CDKAL1: variants seen among roughly 807,000 people sequenced by gnomAD.
The protein encoded by CDKAL1 is CDKAL1 threonylcarbamoyladenosine tRNA methylthiotransferase.
In CDKAL1, 32 loss-of-function variants were observed where a neutral mutation model predicts 68.2. The observed-to-expected ratio is 0.47, with a 90% CI of 0.35 to 0.63. The LOEUF is 0.63. Ranked by LOEUF, CDKAL1 falls within the 30% of genes least tolerant of loss-of-function variation. The probability of loss-of-function intolerance (pLI) is 0.00; values close to 1 mark genes in which losing one functional copy is unlikely to be tolerated. For missense variants in CDKAL1, 606 were observed against 696.7 expected (o/e 0.87, Z 1.47); for synonymous variants, 234 against 244.3 (o/e 0.96, Z 0.39).
chr6:20,799,180 G>C (rs772850769), intron 8 of CDKAL1, among the ~76,000 whole-genome samples: 1 of 148,262 alleles, frequency 6.7e-6, no homozygotes, highest in Non-Finnish European at 1.5e-5. Flanking sequence ...AGCCTCCCAA[G>C]TAGCTGGGAT....
chr6:20,893,642 T>C (rs1193350578), intron 9 of CDKAL1, among the ~76,000 whole-genome samples: 1 of 152,230 alleles, frequency 6.6e-6, no homozygotes, highest in African/African-American at 2.4e-5. Flanking sequence ...TGTAGTCAAA[T>C]GAAGCAACTA....
chr6:20,654,299 GT>G (rs200376020), intron 5 of CDKAL1, among the ~76,000 whole-genome samples: 237 of 142,674 alleles, frequency 1.7e-3, no homozygotes, highest in Middle Eastern at 7.4e-3. Context: ...TATTTTTCTG[GT>G]TTTTTTTTTT....
At chr6:21,018,561 G>A (rs893665710) in intron 11 of CDKAL1, among the ~76,000 whole-genome samples, 1 of 152,036 alleles carries the variant, frequency 6.6e-6, no homozygotes, top group Admixed American at 6.6e-5. Flanking sequence ...TTTAAGTTTG[G>A]AATAAGCTTC....
At chr6:21,229,010 C>T (rs1297273946) in intron 15 of CDKAL1, among the ~76,000 whole-genome samples, 1 of 152,192 alleles carries the variant, frequency 6.6e-6, no homozygotes, top group Non-Finnish European at 1.5e-5. Context: ...CAGCTGTGTG[C>T]CTCCTTACGA....
At chr6:20,701,359 TG>T (rs1221638040) in intron 5 of CDKAL1, among the ~76,000 whole-genome samples, 1 of 151,674 alleles carries the variant, frequency 6.6e-6, no homozygotes, top group Non-Finnish European at 1.5e-5. Context: ...AACCGATGAA[TG>T]GCAGTGCTGG....
intron 12 of CDKAL1, among the ~76,000 whole-genome samples, chr6:21,091,057 G>A (rs138550057): frequency 3.9e-5 from 6 of 152,178 alleles, no homozygotes; most frequent in African/African-American, 1.4e-4. Flanking sequence ...TCTGCCTCCC[G>A]ATGTGCTGTG....
Position 20,548,681 on chromosome 6 carries a change from G to T in CDKAL1, c.262G>T (p.Ala88Ser). 1 of 1,535,334 alleles carries T rather than the reference G, an allele frequency of 6.5e-7. No individual in the cohort carries two copies. Among genetic ancestry groups the T allele is most frequent in the Non-Finnish European group, 9.0e-7 (1 of 1,113,144 alleles). The stretch of plus-strand genomic sequence containing the variant: ...TGGAGAATATATGGCTGGACAGCTA[G>T]CTGCTTATGGCTATAAAATTACAGG... Reference protein sequence around the residue: ...SDGEYMAGQLAAYGYKITENA... With the variant: ...SDGEYMAGQLSAYGYKITENA... The change falls in exon 4 of 16, where the codon GCT (alanine) becomes TCT (serine). Residue 88 changes from alanine to serine, a missense_variant. Coordinates refer to ENST00000274695, the MANE Select transcript of CDKAL1 (RefSeq NM_017774.3).
intron 7 of CDKAL1, among the ~76,000 whole-genome samples, chr6:20,759,159 T>C (rs2150350108): frequency 6.6e-6 from 1 of 152,234 alleles, no homozygotes. Context: ...ATGAATCAGG[T>C]CATAGTTTTC....
intron 7 of CDKAL1, among the ~76,000 whole-genome samples, chr6:20,778,890 A>G (rs945497243): frequency 1.3e-5 from 2 of 152,184 alleles, no homozygotes; most frequent in Non-Finnish European, 2.9e-5. Flanking sequence ...TTCAAATGTT[A>G]TCTCATCTAG....
At chr6:20,974,777 G>A (rs1014304600) in intron 10 of CDKAL1, among the ~76,000 whole-genome samples, 1 of 145,816 alleles carries the variant, frequency 6.9e-6, no homozygotes, top group Non-Finnish European at 1.5e-5. Context: ...TCAGGAGTTC[G>A]AAACCAGACT....
intron 13 of CDKAL1, among the ~76,000 whole-genome samples, chr6:21,119,921 C>T (rs765615227): frequency 9.9e-5 from 15 of 152,252 alleles, no homozygotes; most frequent in Admixed American, 2.0e-4. Context: ...GGAGTCCCAC[C>T]GCCCTCCTCC....
chr6:21,214,352 A>G (rs1380472062), intron 15 of CDKAL1, among the ~76,000 whole-genome samples: 1 of 152,034 alleles, frequency 6.6e-6, no homozygotes, highest in Non-Finnish European at 1.5e-5. Context: ...AAATTTTTAC[A>G]AAAATCATCT....
intron 5 of CDKAL1, among the ~76,000 whole-genome samples, chr6:20,656,413 CAGA>C (rs1223496007): frequency 2.0e-5 from 3 of 150,914 alleles, no homozygotes; most frequent in African/African-American, 7.3e-5. Context: ...AGTTTAGGAG[CAGA>C]AGAAGGACGA....
rs148821295 is a variant in CDKAL1 at position 21,089,690 on chromosome 6, C to T, written c.1237-18711C>T. Reference sequence around the variant, plus strand: ...ACAAACACCTTCAAAAGGAAATAAGCGTGGAGAAACAAAAAGGAACACCTT... The same window carrying T: ...ACAAACACCTTCAAAAGGAAATAAGTGTGGAGAAACAAAAAGGAACACCTT... On this transcript the variant is annotated intron_variant, in intron 12 of 15. Transcript: ENST00000274695. Among the ~76,000 whole-genome samples the T allele has an allele frequency of 4.3e-4, 65 of 152,142 alleles. 1 individual carries two copies. The highest frequency in any genetic ancestry group is 1.5e-3 in the African/African-American group (63 of 41,516).
chr6:21,213,619 C>T (rs1024071133), intron 15 of CDKAL1, among the ~76,000 whole-genome samples: 1 of 152,214 alleles, frequency 6.6e-6, no homozygotes, highest in African/African-American at 2.4e-5. Context: ...AATCACAAAG[C>T]ATCTATGGTG....
intron 5 of CDKAL1, among the ~76,000 whole-genome samples, chr6:20,716,854 G>A (rs1399768206): frequency 6.6e-6 from 1 of 151,916 alleles, no homozygotes; most frequent in African/African-American, 2.4e-5. Flanking sequence ...GACTGCAGAA[G>A]ATCACCCAGA....
At chr6:21,106,524 G>T (rs772830747) in intron 12 of CDKAL1, among the ~76,000 whole-genome samples, 2 of 152,200 alleles carry the variant, frequency 1.3e-5, no homozygotes, top group Non-Finnish European at 2.9e-5. Flanking sequence ...TGCAGTGAGC[G>T]ATGATTGTGC....
Position 20,675,169 on chromosome 6 carries a change from G to A in CDKAL1, c.371+25792G>A, listed in dbSNP as rs1354196088. On this transcript the variant is annotated intron_variant, in intron 5 of 15. Transcript: ENST00000274695. ...GTCTGTAGTTATATTTTTTTGAACT[G>A]TCTTTTTCTACTTTGGGCATCAGTG... is the stretch of plus-strand genomic sequence containing the variant. Among the ~76,000 whole-genome samples the A allele has an allele frequency of 2.6e-5, 4 of 151,920 alleles. 1 individual carries two copies. In the South Asian group the frequency reaches 8.3e-4, roughly 32 times the overall value.
chr6:21,064,930 G>A (rs910652237), intron 11 of CDKAL1, 118 bp from the exon 12 acceptor site: 57 of 607,486 alleles, frequency 9.4e-5, no homozygotes, highest in Non-Finnish European at 1.1e-4. Flanking sequence ...CTATTTGCAC[G>A]TGTGCTTTTT....
Sources: allele counts gnomAD v4.1 joint callset (sites outside exome capture counted in the v4.1 genomes callset), GRCh38; gene constraint gnomAD v4.1.1; transcripts MANE v1.5; gene names NCBI Gene and HGNC (gene_info 2026-07-23, HGNC 2026-07-21).